Variants in NAPA observed in about 807,000 individuals in gnomAD.
NAPA encodes NSF attachment protein alpha, also known as alpha-soluble NSF attachment protein.
A neutral mutation model predicts 48.0 loss-of-function variants in NAPA; 18 were observed. The observed-to-expected ratio is 0.38, with a 90% CI of 0.26 to 0.56. The LOEUF (loss-of-function observed/expected upper bound fraction) is 0.56. Among genes scored for constraint, NAPA ranks in the 20% least tolerant of loss-of-function variants. The pLI, the probability that NAPA is intolerant of heterozygous loss-of-function variation, is 0.77. For missense variants in NAPA, 315 were observed against 385.0 expected (o/e 0.82, Z 1.52); for synonymous variants, 152 against 149.9 (o/e 1.01, Z -0.10).
intron 7 of NAPA, chr19:47,492,324 A>T: frequency 1.8e-6 from 1 of 541,122 alleles, no homozygotes. Context: ...TCAGGGTGTG[A>T]TGGTGGCTGG....
chr19:47,495,838 TG>T, intron 3 of NAPA: 1 of 539,570 alleles, frequency 1.9e-6, no homozygotes, highest in Non-Finnish European at 3.3e-6. Context: ...CACATGCTTC[TG>T]GGGGAGCCCT....
chr19:47,498,773 A>G (rs574954645), intron 3 of NAPA, among the ~76,000 whole-genome samples: 27 of 152,322 alleles, frequency 1.8e-4, no homozygotes, highest in South Asian at 1.7e-3. Context: ...CTTGATGCCA[A>G]TGTGCCCCTT....
chr19:47,514,793 C>T (rs771520047), intron 1 of NAPA, 50 bp downstream of exon 1: 14 of 1,570,056 alleles, frequency 8.9e-6, no homozygotes, highest in Non-Finnish European at 1.2e-5. Flanking sequence ...AGCGTGACTC[C>T]TTCGTCCTCT....
chr19:47,498,492 C>T (rs1239937485), intron 3 of NAPA, among the ~76,000 whole-genome samples: 1 of 152,234 alleles, frequency 6.6e-6, no homozygotes, highest in Admixed American at 6.5e-5. Context: ...GCCCAAAAGA[C>T]TGACTTGCCC....
At chr19:47,510,528 AG>A (rs1439885168) in intron 1 of NAPA, among the ~76,000 whole-genome samples, 2 of 152,200 alleles carry the variant, frequency 1.3e-5, no homozygotes, top group African/African-American at 4.8e-5. Context: ...AAACCACCTG[AG>A]GAAACAGTTA....
rs749256031 is a variant in NAPA at position 47,514,059 on chromosome 19, G to T, written c.98+784C>A. On this transcript the variant is annotated intron_variant, in intron 1 of 10. Transcript: ENST00000263354. ...AGACGGGGTTTCACCATGTTGTCCAGGCTGGTCTCGAACTCCCCGCCTCAG... is the reference window on the plus strand; with the variant it reads ...AGACGGGGTTTCACCATGTTGTCCATGCTGGTCTCGAACTCCCCGCCTCAG... 2.0e-5 allele frequency among the ~76,000 whole-genome samples: 3 copies of T among 151,810 alleles called. No homozygotes were observed. The East Asian group carries it at 5.8e-4, about 30-fold the overall frequency.
At chr19:47,485,903 G>A (rs1802824603), downstream of NAPA, among the ~76,000 whole-genome samples, 1 of 152,234 alleles carries the variant, frequency 6.6e-6, no homozygotes, top group Non-Finnish European at 1.5e-5. Flanking sequence ...CACTTCAGCA[G>A]TGCGTTTCCT....
chr19:47,495,301 C>T (rs1236834491), intron 4 of NAPA: 2 of 570,102 alleles, frequency 3.5e-6, no homozygotes, highest in Non-Finnish European at 6.3e-6. Flanking sequence ...GCTCAATAAC[C>T]TAAGTTCTAT....
chr19:47,503,750 C>A (rs530026308), intron 1 of NAPA, among the ~76,000 whole-genome samples: 2 of 152,056 alleles, frequency 1.3e-5, no homozygotes, highest in Admixed American at 6.5e-5. Flanking sequence ...GGTAGTGGGG[C>A]GAAGAGTTCC....
chr19:47,511,136 G>A (rs552303385), intron 1 of NAPA, among the ~76,000 whole-genome samples: 1 of 152,356 alleles, frequency 6.6e-6, no homozygotes, highest in East Asian at 1.9e-4. Flanking sequence ...GGTTCCCAAA[G>A]GGGAAGGGAG....
intron 10 of NAPA, chr19:47,488,610 G>C: frequency 2.9e-6 from 1 of 344,460 alleles, no homozygotes; most frequent in Non-Finnish European, 5.2e-6. Context: ...GAAAGATATT[G>C]TAGCTTTAAA....
At position 47,503,074 on chromosome 19, in the gene NAPA, C is replaced by T. The variant is rs118171314; in HGVS notation, c.178+349G>A. ...TTATTGGAATCACCTGAACATCCTC[C>T]CCCAGCCTAGAATTTAGACACTGAT... is the stretch of plus-strand genomic sequence containing the variant. On this transcript the variant is annotated intron_variant, in intron 2 of 10. Transcript: ENST00000263354. 5.6e-3 allele frequency among the ~76,000 whole-genome samples: 850 copies of T among 152,344 alleles called. 5 individuals carry two copies. Among genetic ancestry groups the T allele is most frequent in the Non-Finnish European group, 9.7e-3 (658 of 68,030 alleles).
At position 47,493,245 on chromosome 19, in the gene NAPA, C is replaced by T; in HGVS notation, c.421-71G>A. On this transcript the variant is annotated intron_variant, in intron 5 of 10. Transcript: ENST00000263354. This position sits in a 1 kb window ranked among gnomAD's most constrained non-coding sequence, Gnocchi z 6.4. ...AGAGGAGGCCTCCGTGAAGCTTCCACACCCTCCGCCCTGCCTGCCTGGGAC... is the reference window on the plus strand; with the variant it reads ...AGAGGAGGCCTCCGTGAAGCTTCCATACCCTCCGCCCTGCCTGCCTGGGAC... 6.6e-7 allele frequency: 1 copy of T among 1,516,072 alleles called. No homozygotes were observed. Among genetic ancestry groups the T allele is most frequent in the Non-Finnish European group, 9.0e-7 (1 of 1,111,928 alleles). The allele number at this position is 1,516,072 out of a possible 1,614,324, so 93.9% of individuals were successfully genotyped here.
intron 4 of NAPA, among the ~76,000 whole-genome samples, chr19:47,494,642 G>C (rs1384042900): frequency 6.7e-6 from 1 of 149,132 alleles, no homozygotes; most frequent in African/African-American, 2.5e-5. Flanking sequence ...AGAGGCTAGG[G>C]CACGAGAATC....
Position 47,500,765 on chromosome 19 carries a change from A to C in NAPA, c.179-16T>G. ...TTTCCAGCAGCTGGAACAGAAGAGAAGGGCAGTCCTGGCCTCAGTGGGGCT... is the reference window on the plus strand; with the variant it reads ...TTTCCAGCAGCTGGAACAGAAGAGACGGGCAGTCCTGGCCTCAGTGGGGCT... On this transcript the variant is annotated splice_polypyrimidine_tract_variant and intron_variant, in intron 2 of 10. Transcript: ENST00000263354. 1 of 1,587,780 alleles carries C rather than the reference A, an allele frequency of 6.3e-7. No individual in the cohort carries two copies. Among genetic ancestry groups the C allele is most frequent in the Non-Finnish European group, 8.6e-7 (1 of 1,164,718 alleles).
At chr19:47,503,620 A>C (rs1968632343) in intron 1 of NAPA, 118 bp from the exon 2 acceptor site, 4 of 949,342 alleles carry the variant, frequency 4.2e-6, no homozygotes, top group Non-Finnish European at 6.6e-6. Flanking sequence ...TCACCTGTGA[A>C]GCCAGCTTCC....
intron 2 of NAPA, 141 bp from the exon 3 acceptor site, chr19:47,500,890 G>A (rs1426769397): frequency 1.4e-5 from 8 of 581,186 alleles, no homozygotes; most frequent in South Asian, 5.2e-5. Context: ...TGACCTGAGC[G>A]AGCCCAGACC....
At chr19:47,513,608 T>C (rs1968845783) in intron 1 of NAPA, among the ~76,000 whole-genome samples, 1 of 152,136 alleles carries the variant, frequency 6.6e-6, no homozygotes, top group African/African-American at 2.4e-5. Context: ...TGCCACGTCA[T>C]ATGTGTTAGT....
intron 2 of NAPA, among the ~76,000 whole-genome samples, chr19:47,502,371 G>A (rs965231154): frequency 1.3e-5 from 2 of 151,408 alleles, no homozygotes; most frequent in African/African-American, 4.8e-5. Flanking sequence ...CAACACCTAT[G>A]TAATTAAAAA....
Sources: gnomAD v4.1 joint callset for allele counts (sites outside exome capture counted in the v4.1 genomes callset) on GRCh38, gnomAD v4.1.1 for gene constraint, Gnocchi (gnomAD v3.1) non-coding constraint, MANE v1.5 for transcripts, NCBI Gene and HGNC (gene_info 2026-07-23, HGNC 2026-07-21) for gene names.